RHPN2: variants seen among roughly 807,000 people sequenced by gnomAD.
RHPN2 encodes rhophilin-2.
In RHPN2, 40 loss-of-function variants were observed where a neutral mutation model predicts 79.0. That is an observed-to-expected ratio of 0.51 (90% confidence interval 0.39 to 0.66). The LOEUF (loss-of-function observed/expected upper bound fraction) is 0.66, where lower values mean the gene tolerates loss of function less well. Among genes scored for constraint, RHPN2 ranks in the 30% least tolerant of loss-of-function variants. The pLI, the probability that RHPN2 is intolerant of heterozygous loss-of-function variation, is 0.00. For synonymous variants in RHPN2, 285 were observed against 363.5 expected (o/e 0.78, Z 2.46); for missense variants, 686 against 883.5 (o/e 0.78, Z 2.83).
intron 1 of RHPN2, among the ~76,000 whole-genome samples, chr19:33,055,466 T>C (rs1289461456): frequency 6.6e-6 from 1 of 152,032 alleles, no homozygotes; most frequent in Non-Finnish European, 1.5e-5. Context: ...CACCTGGGAA[T>C]TGACTCAAGG....
chr19:33,055,377 G>A (rs2003950), intron 1 of RHPN2, among the ~76,000 whole-genome samples: 53,813 of 149,764 alleles, frequency 0.36, 11,223 homozygotes, highest in African/African-American at 0.56. Flanking sequence ...AAAAAAAAAA[G>A]CTGTTTTAGA....
At chr19:33,039,489 C>G (rs1462255231) in intron 2 of RHPN2, among the ~76,000 whole-genome samples, 1 of 152,102 alleles carries the variant, frequency 6.6e-6, no homozygotes, top group African/African-American at 2.4e-5. Context: ...GACTTGTTCA[C>G]CTGGCTCTCA....
chr19:33,062,334 C>A (rs1008686981), intron 1 of RHPN2, among the ~76,000 whole-genome samples: 1 of 151,812 alleles, frequency 6.6e-6, no homozygotes, highest in Non-Finnish European at 1.5e-5. Flanking sequence ...GGTTGATATG[C>A]GCCTGTAGTC....
At chr19:33,048,351 C>T (rs947973174) in intron 1 of RHPN2, among the ~76,000 whole-genome samples, 1 of 151,966 alleles carries the variant, frequency 6.6e-6, no homozygotes, top group African/African-American at 2.4e-5. Flanking sequence ...CCATGGCATC[C>T]AGCCCTGGAA....
chr19:33,026,653 G>C (rs377505395), intron 2 of RHPN2, 21 bp from the exon 3 acceptor site: 1 of 1,601,474 alleles, frequency 6.2e-7, no homozygotes. Context: ...AGAAGAGGGA[G>C]AGAAGTGCCC....
At chr19:33,045,704 C>A (rs1414047402) in intron 1 of RHPN2, among the ~76,000 whole-genome samples, 1 of 152,162 alleles carries the variant, frequency 6.6e-6, no homozygotes, top group Non-Finnish European at 1.5e-5. Context: ...GAACTCCTAA[C>A]CTCAAGTGAT....
At position 33,001,113 on chromosome 19, in the gene RHPN2, C is replaced by T. The variant is rs548835556; in HGVS notation, c.1105+1134G>A. Among the ~76,000 whole-genome samples, 8 of 152,276 alleles carry T rather than the reference C, an allele frequency of 5.3e-5. No individual in the cohort carries two copies. The East Asian group carries it at 1.5e-3, about 29-fold the overall frequency. Reference sequence around the variant, plus strand: ...CAGATGAGAAAATTGAGGCAGAGGACAGCTAAGTAACTTGCCCAAGGTAAA... The same window carrying T: ...CAGATGAGAAAATTGAGGCAGAGGATAGCTAAGTAACTTGCCCAAGGTAAA... On this transcript the variant is annotated intron_variant, in intron 9 of 14. Coordinates refer to ENST00000254260, the MANE Select transcript of RHPN2 (RefSeq NM_033103.5).
At chr19:33,026,348 C>T (rs113189733) in intron 3 of RHPN2, among the ~76,000 whole-genome samples, 156 bp downstream of exon 3, 4 of 152,142 alleles carry the variant, frequency 2.6e-5, no homozygotes, top group African/African-American at 9.6e-5. Context: ...AGTCTAGCAC[C>T]TCACTCAACC....
intron 4 of RHPN2, among the ~76,000 whole-genome samples, chr19:33,021,253 T>A (rs1971921427): frequency 6.6e-6 from 1 of 152,184 alleles, no homozygotes. Flanking sequence ...AAATTATGCA[T>A]GTAGCTGGCT....
chr19:32,985,252 T>C (rs969029050), intron 14 of RHPN2, among the ~76,000 whole-genome samples: 1 of 151,928 alleles, frequency 6.6e-6, no homozygotes, highest in Non-Finnish European at 1.5e-5. Context: ...AACTCGAAGC[T>C]GTAGTCAGCT....
intron 4 of RHPN2, among the ~76,000 whole-genome samples, chr19:33,016,268 G>A (rs1282353896): frequency 5.3e-5 from 8 of 151,718 alleles, no homozygotes; most frequent in African/African-American, 1.9e-4. Flanking sequence ...ATGGAGTGCA[G>A]GGGCTCAATC....
chr19:33,028,388 C>T (rs904977847), intron 2 of RHPN2, among the ~76,000 whole-genome samples: 1 of 152,108 alleles, frequency 6.6e-6, no homozygotes, highest in African/African-American at 2.4e-5. Context: ...AAATCCTGGG[C>T]TCAAGCAATC....
chr19:33,064,726 C>G (rs1310613980), intron 1 of RHPN2, 58 bp downstream of exon 1: 2 of 1,499,082 alleles, frequency 1.3e-6, no homozygotes, highest in East Asian at 2.6e-5. Context: ...CTGCAGGGCC[C>G]GGGGGAAAGG....
chr19:33,013,202 CAAAAAACAA>C (rs1971851003), intron 4 of RHPN2, among the ~76,000 whole-genome samples: 1 of 74,594 alleles, frequency 1.3e-5, no homozygotes, highest in Admixed American at 1.3e-4. Flanking sequence ...AAAACAAAAA[CAAAAAACAA>C]AAAACAGAGT....
intron 2 of RHPN2, among the ~76,000 whole-genome samples, chr19:33,033,782 G>A (rs911659996): frequency 5.3e-5 from 8 of 150,658 alleles, no homozygotes; most frequent in Non-Finnish European, 8.9e-5. Context: ...CAGGAGACTC[G>A]CTTGAACCCG....
chr19:33,029,225 A>G (rs190456289), intron 2 of RHPN2, among the ~76,000 whole-genome samples: 1 of 152,110 alleles, frequency 6.6e-6, no homozygotes. Context: ...GCAATGAATC[A>G]GAATAAAAGT....
rs1971945788 is a variant in RHPN2 at position 33,023,900 on chromosome 19, C to T, written c.315-2254G>A. On this transcript the variant is annotated intron_variant, in intron 3 of 14. Transcript: ENST00000254260. ...CCAATGACACAGGGCAGTGACTGGCCACTCTAGAGCCCAGGGACCAATCCA... is the reference window on the plus strand; with the variant it reads ...CCAATGACACAGGGCAGTGACTGGCTACTCTAGAGCCCAGGGACCAATCCA... 2.6e-5 allele frequency among the ~76,000 whole-genome samples: 4 copies of T among 152,174 alleles called. No individual in the cohort carries two copies. The South Asian group carries it at 8.3e-4, about 31-fold the overall frequency.
intron 14 of RHPN2, among the ~76,000 whole-genome samples, chr19:32,982,484 G>T (rs935533718): frequency 5.9e-5 from 9 of 151,934 alleles, no homozygotes; most frequent in African/African-American, 2.2e-4. Flanking sequence ...TAAAGTAGGG[G>T]GTACTTCGAG....
intron 2 of RHPN2, among the ~76,000 whole-genome samples, chr19:33,039,768 G>A (rs1471658648): frequency 6.6e-6 from 1 of 151,750 alleles, no homozygotes; most frequent in African/African-American, 2.4e-5. Flanking sequence ...AACCTGGGAG[G>A]CAGAGGTTGC....
Sources: allele counts gnomAD v4.1 joint callset (sites outside exome capture counted in the v4.1 genomes callset), GRCh38; gene constraint gnomAD v4.1.1; transcripts MANE v1.5; gene names NCBI Gene and HGNC (gene_info 2026-07-23, HGNC 2026-07-21).